The following MSH3 variants were observed in gnomAD, a reference collection of about 807,000 sequenced individuals.
MSH3 encodes DNA mismatch repair protein Msh3.
A neutral mutation model predicts 123.3 loss-of-function variants in MSH3; 106 were observed. That is an observed-to-expected ratio of 0.86 (90% CI 0.73 to 1.01). The LOEUF (loss-of-function observed/expected upper bound fraction) is 1.01. MSH3 is among the 50% of genes least tolerant of loss of function. MSH3 has a pLI of 0.00. For synonymous variants in MSH3, 515 were observed against 481.4 expected (o/e 1.07, Z -0.91); for missense variants, 1,459 against 1,347.6 (o/e 1.08, Z -1.29).
intron 7 of MSH3, among the ~76,000 whole-genome samples, chr5:80,677,138 T>A (rs887525830): frequency 1.3e-5 from 2 of 152,232 alleles, no homozygotes; most frequent in African/African-American, 4.8e-5. Flanking sequence ...TGATCTTATC[T>A]TCTTTTACCC....
At chr5:80,847,756 T>C (rs1745749627) in intron 20 of MSH3, among the ~76,000 whole-genome samples, 1 of 152,242 alleles carries the variant, frequency 6.6e-6, no homozygotes, top group South Asian at 2.1e-4. Flanking sequence ...AGGGGCATTT[T>C]CTTAAGTTAT....
At chr5:80,752,934 T>C (rs1190453761) in intron 12 of MSH3, among the ~76,000 whole-genome samples, 2 of 152,138 alleles carry the variant, frequency 1.3e-5, no homozygotes, top group African/African-American at 4.8e-5. Context: ...ATATCCTGTT[T>C]AGGGGTTCAA....
At chr5:80,812,740 G>A (rs533004372) in intron 19 of MSH3, among the ~76,000 whole-genome samples, 1 of 151,930 alleles carries the variant, frequency 6.6e-6, no homozygotes, top group Non-Finnish European at 1.5e-5. Flanking sequence ...GCTAATTTTT[G>A]TATAGTTGGG....
chr5:80,854,802 G>A (rs970709430), intron 21 of MSH3, among the ~76,000 whole-genome samples: 1 of 152,030 alleles, frequency 6.6e-6, no homozygotes, highest in Admixed American at 6.6e-5. Flanking sequence ...CTGGTTGTAC[G>A]AAAAAGGCCT....
intron 10 of MSH3, among the ~76,000 whole-genome samples, chr5:80,733,261 A>T (rs971178629): frequency 3.9e-5 from 6 of 152,204 alleles, no homozygotes; most frequent in Non-Finnish European, 8.8e-5. Flanking sequence ...AAATGGTGCC[A>T]AGATAACTGT....
At chr5:80,841,062 C>G (rs1302441197) in intron 20 of MSH3, among the ~76,000 whole-genome samples, 1 of 151,882 alleles carries the variant, frequency 6.6e-6, no homozygotes, top group Non-Finnish European at 1.5e-5. Flanking sequence ...CCACTCCCCC[C>G]ACCCCACGAC....
chr5:80,751,629 C>G (rs187285334), intron 12 of MSH3, among the ~76,000 whole-genome samples: 1 of 152,272 alleles, frequency 6.6e-6, no homozygotes, highest in East Asian at 1.9e-4. Context: ...GGTATGCTTG[C>G]TGTATGTATG....
At chr5:80,667,439 T>A (rs1016828485) in intron 3 of MSH3, among the ~76,000 whole-genome samples, 9 of 152,368 alleles carry the variant, frequency 5.9e-5, no homozygotes, top group African/African-American at 1.9e-4. Flanking sequence ...TAAACCTCTG[T>A]GGCTGGTGGT....
intron 4 of MSH3, 53 bp from the exon 5 acceptor site, chr5:80,672,191 A>G: frequency 2.3e-6 from 3 of 1,278,936 alleles, no homozygotes; most frequent in Non-Finnish European, 3.4e-6. Context: ...CCAACATCAC[A>G]TAGGGAATCT....
At chr5:80,837,042 G>A (rs1434352851) in intron 20 of MSH3, among the ~76,000 whole-genome samples, 1 of 152,206 alleles carries the variant, frequency 6.6e-6, no homozygotes, top group Admixed American at 6.5e-5. Context: ...GGAGAGAGGT[G>A]TAGGATCAGA....
At chr5:80,758,212 C>G (rs1743962371) in intron 12 of MSH3, among the ~76,000 whole-genome samples, 2 of 152,292 alleles carry the variant, frequency 1.3e-5, no homozygotes, top group Middle Eastern at 3.4e-3. Flanking sequence ...GTTTACATAT[C>G]TATGCCCTAA....
intron 20 of MSH3, among the ~76,000 whole-genome samples, chr5:80,839,561 GGATT>G (rs1663551373): frequency 6.6e-6 from 1 of 152,040 alleles, no homozygotes; most frequent in Admixed American, 6.5e-5. Context: ...TGGGAAAGAA[GGATT>G]GATTATGTTG....
At chr5:80,731,508 C>T (rs958071104) in intron 10 of MSH3, among the ~76,000 whole-genome samples, 1 of 151,210 alleles carries the variant, frequency 6.6e-6, no homozygotes, top group Non-Finnish European at 1.5e-5. Flanking sequence ...ACCTAGTAGG[C>T]TTTTATTATA....
At chr5:80,800,893 A>T (rs963318994) in intron 19 of MSH3, among the ~76,000 whole-genome samples, 1 of 152,166 alleles carries the variant, frequency 6.6e-6, no homozygotes, top group African/African-American at 2.4e-5. Flanking sequence ...ACAAAATAAA[A>T]TGGGCTGATG....
At chr5:80,738,493 T>C (rs1743554033) in intron 10 of MSH3, among the ~76,000 whole-genome samples, 1 of 152,194 alleles carries the variant, frequency 6.6e-6, no homozygotes, top group Non-Finnish European at 1.5e-5. Flanking sequence ...CAGGGGATGC[T>C]TTCAGAATCC....
In MSH3 at chr5:80,670,247, A is replaced by G; in HGVS notation, c.730A>G (p.Lys244Glu). ...ATACATAGAAATGAAGCAGCAGCAC[A>G]AAGATGCAGTTTTGTGTGTGGAATG... ...LQYIEMKQQH[K>E]DAVLCVECGY... The change falls in exon 4 of 24, where the codon AAA (lysine) becomes GAA (glutamate). Residue 244 changes from lysine (K) to glutamate (E), a missense_variant. Coordinates refer to ENST00000265081, the MANE Select transcript of MSH3 (RefSeq NM_002439.5). The G allele has an allele frequency of 6.2e-7, 1 of 1,614,180 alleles. No homozygotes were observed. Among genetic ancestry groups the G allele is most frequent in the Non-Finnish European group, 8.5e-7 (1 of 1,180,022 alleles).
chr5:80,831,743 A>G (rs898876325), intron 20 of MSH3, among the ~76,000 whole-genome samples: 6 of 151,984 alleles, frequency 3.9e-5, no homozygotes, highest in African/African-American at 1.5e-4. Context: ...GACAGAGTTC[A>G]AAGTTTTTAG....
chr5:80,679,581 G>A (rs1749923590), intron 8 of MSH3, among the ~76,000 whole-genome samples: 1 of 152,168 alleles, frequency 6.6e-6, no homozygotes, highest in South Asian at 2.1e-4. Flanking sequence ...TGCTTTGTCT[G>A]TGCTGCAAGT....
chr5:80,871,278 T>G (rs534998985), intron 22 of MSH3, among the ~76,000 whole-genome samples: 67 of 152,310 alleles, frequency 4.4e-4, no homozygotes, highest in African/African-American at 1.6e-3. Flanking sequence ...TTATCTCTAT[T>G]AGTTTGGGGT....
Sources: allele counts gnomAD v4.1 joint callset (sites outside exome capture counted in the v4.1 genomes callset), GRCh38; gene constraint gnomAD v4.1.1; transcripts MANE v1.5; gene names NCBI Gene and HGNC (gene_info 2026-07-23, HGNC 2026-07-21).